The following BPNT2 variants were observed in gnomAD, a reference collection of about 807,000 sequenced individuals.
BPNT2 encodes 3'(2'), 5'-bisphosphate nucleotidase 2.
A neutral mutation model predicts 29.3 loss-of-function variants in BPNT2; 11 were observed. The ratio of observed to expected loss-of-function variants is 0.38; its 90% CI spans 0.24 to 0.62. The LOEUF is 0.62. BPNT2 is among the 20% of genes least tolerant of loss of function. The probability of loss-of-function intolerance (pLI) is 0.62; values close to 1 mark genes in which losing one functional copy is unlikely to be tolerated. For synonymous variants in BPNT2, 195 were observed against 187.7 expected (o/e 1.04, Z -0.32); for missense variants, 459 against 473.4 (o/e 0.97, Z 0.28).
In BPNT2 at chr8:56,959,861, C is replaced by T. The variant is rs1358925045; in HGVS notation, c.*3932G>A. The T allele has an allele frequency of 6.6e-6, 1 of 152,190 alleles. No homozygotes were observed. Among genetic ancestry groups the T allele is most frequent in the African/African-American group, 2.4e-5 (1 of 41,446 alleles). The allele number at this position is 152,190 out of a possible 1,614,324, so 9.4% of individuals were successfully genotyped here. On this transcript the variant is annotated 3_prime_UTR_variant, in exon 5 of 5. Transcript: ENST00000262644. ...GCAAAAAGTTCCTATTTTCCCCCAT[C>T]TACTAAAAAGGTTGTTTTCCCTTAT...
intron 3 of BPNT2, among the ~76,000 whole-genome samples, chr8:56,969,799 C>A (rs1230101656): frequency 6.6e-6 from 1 of 152,134 alleles, no homozygotes; most frequent in African/African-American, 2.4e-5. Context: ...CTGAACCACA[C>A]TGAACATATA....
At chr8:56,976,655 C>G (rs1319854812) in intron 3 of BPNT2, among the ~76,000 whole-genome samples, 1 of 152,080 alleles carries the variant, frequency 6.6e-6, no homozygotes, top group Non-Finnish European at 1.5e-5. Flanking sequence ...CTCAGAGCAG[C>G]CAGAATTTGG....
At chr8:56,990,683 C>T (rs1418765093) in intron 1 of BPNT2, among the ~76,000 whole-genome samples, 1 of 152,158 alleles carries the variant, frequency 6.6e-6, no homozygotes. Flanking sequence ...TTACCCTCTA[C>T]CTACTAGATG....
chr8:56,962,831 A>C lies in BPNT2; in HGVS notation c.*962T>G, dbSNP rs1020880757. Reference sequence around the variant, plus strand: ...GCAAATTAAAAAAAAATACTAAAACAAAGTGTCTGAAGATAATGAAAGGCA... The same window carrying C: ...GCAAATTAAAAAAAAATACTAAAACCAAGTGTCTGAAGATAATGAAAGGCA... On this transcript the variant is annotated 3_prime_UTR_variant, in exon 5 of 5. Transcript: ENST00000262644. 1.3e-5 allele frequency: 2 copies of C among 152,166 alleles called. No homozygotes were observed. Among genetic ancestry groups the C allele is most frequent in the African/African-American group, 4.8e-5 (2 of 41,436 alleles). The allele number at this position is 152,166 out of a possible 1,614,324, so 9.4% of individuals were successfully genotyped here.
Position 56,993,686 on chromosome 8 carries a change from G to C in BPNT2, c.-101C>G. ...CCGCGCTCCGGGCCAGGCGCCGCGC[G>C]GGCTACACTGGCGCCCGCTCCCCGG... On this transcript the variant is annotated 5_prime_UTR_variant, in exon 1 of 5. Transcript: ENST00000262644. 1 of 1,051,554 alleles carries C rather than the reference G, an allele frequency of 9.5e-7. No homozygotes were observed. Among genetic ancestry groups the C allele is most frequent in the Admixed American group, 5.5e-5 (1 of 18,296 alleles). The allele number at this position is 1,051,554 out of a possible 1,614,324, so 65.1% of individuals were successfully genotyped here. A position where few individuals can be genotyped will look rare whatever the true frequency, so the allele number is the denominator to read the frequency against.
At chr8:56,993,165 G>A (rs1563413506) in intron 1 of BPNT2, 34 bp downstream of exon 1, 2 of 1,577,444 alleles carry the variant, frequency 1.3e-6, no homozygotes, top group Non-Finnish European at 1.7e-6. Flanking sequence ...CGCGCTACCC[G>A]GCTCGAGTGG....
chr8:56,971,792 C>CA (rs1806039762), intron 3 of BPNT2, among the ~76,000 whole-genome samples: 1 of 147,588 alleles, frequency 6.8e-6, no homozygotes, highest in Non-Finnish European at 1.5e-5. Flanking sequence ...ACCCCCCCCC[C>CA]CACAATGCTA....
At chr8:56,982,185 G>A (rs1013822413) in intron 1 of BPNT2, among the ~76,000 whole-genome samples, 1 of 149,496 alleles carries the variant, frequency 6.7e-6, no homozygotes. Flanking sequence ...GTGCAGTGGT[G>A]TAATCTCGGC....
intron 1 of BPNT2, among the ~76,000 whole-genome samples, chr8:56,984,809 A>G (rs1210506739): frequency 1.5e-5 from 2 of 132,230 alleles, no homozygotes; most frequent in East Asian, 3.6e-4. Flanking sequence ...ACTCCTTATC[A>G]TAATCTACAA....
rs548639340 is a variant in BPNT2 at position 56,972,869 on chromosome 8, A to C, written c.646+5181T>G. On this transcript the variant is annotated intron_variant, in intron 3 of 4. Transcript: ENST00000262644. The stretch of plus-strand genomic sequence containing the variant: ...TTCTGGAAAAAAAAAAAAAATTTAA[A>C]AAAGGGGCCACAAAATACATTTATT... Among the ~76,000 whole-genome samples the C allele has an allele frequency of 1.2e-4, 19 of 152,254 alleles. No homozygotes were observed. The East Asian group carries it at 3.7e-3, about 29-fold the overall frequency.
rs974988569 is a variant in BPNT2, at chr8:56,959,308, G to A, written c.*4485C>T. On this transcript the variant is annotated 3_prime_UTR_variant, in exon 5 of 5. Coordinates refer to ENST00000262644, the MANE Select transcript of BPNT2 (RefSeq NM_017813.5). The stretch of plus-strand genomic sequence containing the variant: ...TAAAAATAAATAAAGCTTTGCCAAT[G>A]GTAAATTGGAATGCATATACTTGCC... 2 of 152,088 alleles carry A rather than the reference G, an allele frequency of 1.3e-5. No individual in the cohort carries two copies. Among genetic ancestry groups the A allele is most frequent in the Non-Finnish European group, 2.9e-5 (2 of 68,020 alleles). 9.4% of individuals were successfully genotyped at this position (152,088 alleles called of 1,614,324 possible). A position where few individuals can be genotyped will look rare whatever the true frequency, so the allele number is the denominator to read the frequency against.
At chr8:56,968,398 A>C (rs930222863) in intron 3 of BPNT2, among the ~76,000 whole-genome samples, 2 of 151,912 alleles carry the variant, frequency 1.3e-5, no homozygotes, top group African/African-American at 4.8e-5. Context: ...TTAAAAAAAA[A>C]AAAAACAAAA....
chr8:56,985,166 A>G (rs540572370), intron 1 of BPNT2, among the ~76,000 whole-genome samples: 2 of 152,146 alleles, frequency 1.3e-5, no homozygotes, highest in African/African-American at 4.8e-5. Context: ...TACATTTACT[A>G]TCTTGATCAG....
chr8:56,975,080 A>G (rs1806110333), intron 3 of BPNT2, among the ~76,000 whole-genome samples: 1 of 152,118 alleles, frequency 6.6e-6, no homozygotes, highest in Non-Finnish European at 1.5e-5. Context: ...GGACTTCAAG[A>G]TATTTTTTTC....
At chr8:56,966,496 C>A in intron 3 of BPNT2, 144 bp from the exon 4 acceptor site, 1 of 713,142 alleles carries the variant, frequency 1.4e-6, no homozygotes, top group South Asian at 1.7e-5. Context: ...AAACAGAAAG[C>A]TTTTTTTTTC....
chr8:56,974,977 C>T (rs1806109159), intron 3 of BPNT2, among the ~76,000 whole-genome samples: 1 of 152,200 alleles, frequency 6.6e-6, no homozygotes, highest in Non-Finnish European at 1.5e-5. Flanking sequence ...CTTTATTGAG[C>T]TTCCAATTCT....
At chr8:56,990,818 TGAG>T (rs977149984) in intron 1 of BPNT2, among the ~76,000 whole-genome samples, 3 of 152,170 alleles carry the variant, frequency 2.0e-5, no homozygotes, top group African/African-American at 7.2e-5. Context: ...ATCCTTTTAC[TGAG>T]GAGTGAACAT....
chr8:56,963,746 G>A lies in BPNT2; in HGVS notation c.*47C>T. 6.2e-7 allele frequency: 1 copy of A among 1,606,840 alleles called. No individual in the cohort carries two copies. Among genetic ancestry groups the A allele is most frequent in the Non-Finnish European group, 8.5e-7 (1 of 1,174,008 alleles). On this transcript the variant is annotated 3_prime_UTR_variant, in exon 5 of 5. Transcript: ENST00000262644. ...TCCTTTGAAGCTTCCAGCATCTCAG[G>A]CTAACCATTTCAGCTGTGAAGAACT...
chr8:56,993,180 T>A lies in BPNT2; in HGVS notation c.387+19A>T. 6.3e-7 allele frequency: 1 copy of A among 1,588,416 alleles called. No individual in the cohort carries two copies. The highest frequency in any genetic ancestry group is 8.5e-7 in the Non-Finnish European group (1 of 1,174,572). ...CGCGCTACCCGGCTCGAGTGGGCGC[T>A]CCGCCCGTGGGCTCCCACCTGGACG... is the stretch of plus-strand genomic sequence containing the variant. On this transcript the variant is annotated intron_variant, in intron 1 of 4. Coordinates refer to ENST00000262644, the MANE Select transcript of BPNT2 (RefSeq NM_017813.5).
Sources: allele counts gnomAD v4.1 joint callset (sites outside exome capture counted in the v4.1 genomes callset), GRCh38; gene constraint gnomAD v4.1.1; transcripts MANE v1.5; gene names NCBI Gene and HGNC (gene_info 2026-07-23, HGNC 2026-07-21).